Variants in ANKRD62 observed in about 807,000 individuals in gnomAD.
The protein encoded by ANKRD62 is ankyrin repeat domain-containing protein 62.
A neutral mutation model predicts 98.8 loss-of-function variants in ANKRD62; 61 were observed. The ratio of observed to expected loss-of-function variants is 0.62; its 90% CI spans 0.50 to 0.76. The LOEUF (loss-of-function observed/expected upper bound fraction) is 0.76. ANKRD62 is among the 30% of genes least tolerant of loss of function. ANKRD62 has a pLI of 0.00. For missense variants in ANKRD62, 933 were observed against 1,082.9 expected (o/e 0.86, Z 1.94); for synonymous variants, 341 against 367.9 (o/e 0.93, Z 0.84).
chr18:12,141,038 C>T, the ANKRD62 span, among the ~76,000 whole-genome samples: 8 of 152,254 alleles, frequency 5.3e-5, no homozygotes, highest in East Asian at 1.3e-3. Context: ...TTTACCTACT[C>T]AAGACTGAGC....
chr18:12,113,026 C>G (rs904722383), intron 8 of ANKRD62, among the ~76,000 whole-genome samples: 6 of 152,134 alleles, frequency 3.9e-5, no homozygotes, highest in Admixed American at 3.9e-4. Context: ...TGCCGAGTAA[C>G]TGGGACTACA....
At position 12,095,594 on chromosome 18, in the gene ANKRD62, T is replaced by C; in HGVS notation, c.491T>C (p.Ile164Thr). 6.6e-7 allele frequency: 1 copy of C among 1,521,510 alleles called. No homozygotes were observed. The highest frequency in any genetic ancestry group is 8.8e-7 in the Non-Finnish European group (1 of 1,139,110). 94.3% of individuals were successfully genotyped at this position (1,521,510 alleles called of 1,614,324 possible). ...AAACTGCTTGCATATGGTGCAGATA[T>C]TGAAGCAAGAAGCCAGGTATGATCA... ...ARKLLAYGADIEARSQDGHTS... is the reference protein window; with the variant it reads ...ARKLLAYGADTEARSQDGHTS... Residue 164 changes from isoleucine (I) to threonine (T), a missense_variant, in exon 3 of 14, where the codon ATT (isoleucine) becomes ACT (threonine). This residue lies in a region of ANKRD62 where 549 missense variants were observed against 587.9 expected (regional missense o/e 0.93). Coordinates refer to ENST00000587848, the MANE Select transcript of ANKRD62 (RefSeq NM_001277333.2).
chr18:12,110,429 G>A (rs1300360030), intron 8 of ANKRD62, among the ~76,000 whole-genome samples: 1 of 152,102 alleles, frequency 6.6e-6, no homozygotes, highest in Non-Finnish European at 1.5e-5. Context: ...TTATACCATG[G>A]TCTGGCTTAT....
At chr18:12,105,261 T>A (rs968025922) in intron 7 of ANKRD62, among the ~76,000 whole-genome samples, 1 of 152,222 alleles carries the variant, frequency 6.6e-6, no homozygotes, top group East Asian at 1.9e-4. Flanking sequence ...TATATCATAA[T>A]TACAGTACAA....
the ANKRD62 span, among the ~76,000 whole-genome samples, chr18:12,166,105 C>A: frequency 6.6e-6 from 1 of 152,052 alleles, no homozygotes; most frequent in African/African-American, 2.4e-5. Context: ...TATTAAATGC[C>A]TGGAGGTAGT....
At chr18:12,164,284 G>A in the ANKRD62 span, among the ~76,000 whole-genome samples, 51 of 151,936 alleles carry the variant, frequency 3.4e-4, no homozygotes, top group African/African-American at 1.1e-3. Context: ...AGTTAGCAGC[G>A]TATAGTTGCT....
the ANKRD62 span, among the ~76,000 whole-genome samples, chr18:12,162,546 G>A: frequency 2.0e-5 from 3 of 151,956 alleles, no homozygotes; most frequent in Admixed American, 1.3e-4. Flanking sequence ...GTTCATGTTT[G>A]CTTTGGTTCC....
At chr18:12,097,884 G>T in intron 5 of ANKRD62, 107 bp downstream of exon 5, 1 of 1,353,358 alleles carries the variant, frequency 7.4e-7, no homozygotes. Flanking sequence ...AGGTAGTTTT[G>T]GAGTGGCAGT....
At chr18:12,144,897 A>G in the ANKRD62 span, among the ~76,000 whole-genome samples, 1 of 128,724 alleles carries the variant, frequency 7.8e-6, no homozygotes, top group Non-Finnish European at 1.7e-5. Flanking sequence ...TAATCCCACC[A>G]CTTTGGGAGG....
chr18:12,102,297 G>A (rs1909317803), intron 6 of ANKRD62: 17 of 730,262 alleles, frequency 2.3e-5, no homozygotes, highest in South Asian at 1.6e-4. Context: ...CGCAACCTGG[G>A]AACCAGAATG....
chr18:12,175,776 A>G, the ANKRD62 span, among the ~76,000 whole-genome samples: 1 of 151,974 alleles, frequency 6.6e-6, no homozygotes, highest in African/African-American at 2.4e-5. Context: ...TTAGCATCTA[A>G]ATAGAATTTG....
rs569575218 is a variant in ANKRD62 at position 12,127,257 on chromosome 18, G to A, written c.2563-491G>A. On this transcript the variant is annotated intron_variant, in intron 13 of 13. Coordinates refer to ENST00000587848, the MANE Select transcript of ANKRD62 (RefSeq NM_001277333.2). ...GTAGGGAAGAGAGACATAGCAGCTG[G>A]GGTCAGGGAGAGAAGTGGAAGCCAG... Among the ~76,000 whole-genome samples, 16 of 152,270 alleles carry A rather than the reference G, an allele frequency of 1.1e-4. 1 individual carries two copies. In the South Asian group the frequency reaches 3.3e-3, roughly 32 times the overall value.
At chr18:12,101,897 C>A (rs1909307669) in intron 6 of ANKRD62, 5 of 729,700 alleles carry the variant, frequency 6.9e-6, no homozygotes, top group Non-Finnish European at 1.0e-5. Context: ...AATGGACTTA[C>A]CCTGTTATTT....
the ANKRD62 span, among the ~76,000 whole-genome samples, chr18:12,140,775 G>C: frequency 1.3e-5 from 2 of 152,224 alleles, no homozygotes; most frequent in Non-Finnish European, 2.9e-5. Context: ...GTGCCTCCCA[G>C]TTAGGCTACT....
At chr18:12,130,281 T>C (rs1909983560), downstream of ANKRD62, among the ~76,000 whole-genome samples, 1 of 152,192 alleles carries the variant, frequency 6.6e-6, no homozygotes, top group Non-Finnish European at 1.5e-5. Flanking sequence ...CAGATGTTTG[T>C]TCAGAATTTA....
the ANKRD62 span, among the ~76,000 whole-genome samples, chr18:12,140,476 T>C: frequency 6.6e-6 from 1 of 152,186 alleles, no homozygotes; most frequent in Non-Finnish European, 1.5e-5. Context: ...ATCTTTGTGG[T>C]TTTATCTACC....
At chr18:12,118,637 G>A in intron 10 of ANKRD62, among the ~76,000 whole-genome samples, 1 of 150,644 alleles carries the variant, frequency 6.6e-6, no homozygotes, top group Non-Finnish European at 1.5e-5. Flanking sequence ...AAGAAAGAAA[G>A]TAGCCTTTTT....
the ANKRD62 span, among the ~76,000 whole-genome samples, chr18:12,155,264 G>A: frequency 1.3e-5 from 2 of 152,130 alleles, no homozygotes; most frequent in African/African-American, 4.8e-5. Flanking sequence ...ATATAAATTT[G>A]TTTTATGAGA....
the ANKRD62 span, among the ~76,000 whole-genome samples, chr18:12,150,564 C>T: frequency 6.6e-6 from 1 of 152,128 alleles, no homozygotes; most frequent in African/African-American, 2.4e-5. Flanking sequence ...AAGGGCAGGT[C>T]ACCTACAAAG....
Sources: gnomAD v4.1 joint callset for allele counts (sites outside exome capture counted in the v4.1 genomes callset) on GRCh38, gnomAD v4.1.1 for gene constraint, gnomAD v4.1.1 regional missense constraint, MANE v1.5 for transcripts, NCBI Gene and HGNC (gene_info 2026-07-23, HGNC 2026-07-21) for gene names.